CRISPLD1: variants seen among roughly 807,000 people sequenced by gnomAD.
CRISPLD1 encodes the protein cysteine-rich secretory protein LCCL domain-containing 1.
A neutral mutation model predicts 77.5 loss-of-function variants in CRISPLD1; 60 were observed. The ratio of observed to expected loss-of-function variants is 0.77; its 90% confidence interval spans 0.63 to 0.96. The LOEUF (loss-of-function observed/expected upper bound fraction) is 0.96. Among genes scored for constraint, CRISPLD1 ranks in the 40% least tolerant of loss-of-function variants. The pLI, the probability that CRISPLD1 is intolerant of heterozygous loss-of-function variation, is 0.00. For missense variants in CRISPLD1, 623 were observed against 615.8 expected, an observed-to-expected ratio of 1.01 and a Z score of -0.12; for synonymous variants, 195 against 200.1, an observed-to-expected ratio of 0.97 and a Z score of 0.22.
intron 2 of CRISPLD1, among the ~76,000 whole-genome samples, chr8:75,006,697 ATTTAT>A (rs1227278176): frequency 1.3e-5 from 2 of 152,004 alleles, no homozygotes; most frequent in Admixed American, 6.6e-5. Context: ...TTATTTACTA[ATTTAT>A]TTTATTTATT....
chr8:75,011,190 A>G (rs1812923727), intron 2 of CRISPLD1, among the ~76,000 whole-genome samples: 1 of 151,082 alleles, frequency 6.6e-6, no homozygotes, highest in South Asian at 2.1e-4. Flanking sequence ...TTAGTTACAT[A>G]TGTATACATG....
intron 2 of CRISPLD1, among the ~76,000 whole-genome samples, chr8:75,011,108 C>CTT (rs10651923): frequency 0.32 from 47,316 of 149,588 alleles, 9,967 homozygotes; most frequent in African/African-American, 0.61. Flanking sequence ...GTTTAAATTT[C>CTT]TTTTTTTTTG....
intron 2 of CRISPLD1, among the ~76,000 whole-genome samples, chr8:74,987,208 G>T (rs1812510388): frequency 6.6e-6 from 1 of 152,114 alleles, no homozygotes; most frequent in Admixed American, 6.5e-5. Context: ...CCGTTATAAA[G>T]TATGGCATTA....
At chr8:75,031,844 T>A (rs764912916) in intron 14 of CRISPLD1, among the ~76,000 whole-genome samples, 7 of 151,904 alleles carry the variant, frequency 4.6e-5, no homozygotes, top group Non-Finnish European at 8.8e-5. Flanking sequence ...GTATTCCCCA[T>A]TAAAATTGAA....
intron 2 of CRISPLD1, among the ~76,000 whole-genome samples, chr8:75,010,121 C>T (rs1812902927): frequency 6.6e-6 from 1 of 151,932 alleles, no homozygotes; most frequent in Admixed American, 6.6e-5. Context: ...GTCGCATATA[C>T]ACTATTTTTG....
At chr8:75,004,368 G>A (rs1812793955) in intron 2 of CRISPLD1, among the ~76,000 whole-genome samples, 1 of 151,928 alleles carries the variant, frequency 6.6e-6, no homozygotes, top group Admixed American at 6.5e-5. Context: ...AATACCAGAT[G>A]ATTTAGTCAC....
chr8:75,030,782 CTG>C (rs749034822), intron 14 of CRISPLD1, among the ~76,000 whole-genome samples: 23 of 133,078 alleles, frequency 1.7e-4, no homozygotes, highest in African/African-American at 6.3e-4. Context: ...ATGTGTGTGA[CTG>C]TATATATGTG....
intron 4 of CRISPLD1, among the ~76,000 whole-genome samples, chr8:75,013,334 A>G (rs1253664361): frequency 6.6e-6 from 1 of 152,100 alleles, no homozygotes; most frequent in African/African-American, 2.4e-5. Context: ...CAAGGAATAA[A>G]AATATAGTTT....
At chr8:75,000,543 C>A in intron 2 of CRISPLD1, 2 of 406,008 alleles carry the variant, frequency 4.9e-6, no homozygotes, top group Non-Finnish European at 6.7e-6. Context: ...TGTGAGAATG[C>A]CTATTGCCCT....
intron 13 of CRISPLD1, 130 bp from the exon 14 acceptor site, chr8:75,029,257 C>A: frequency 1.1e-6 from 1 of 911,216 alleles, no homozygotes; most frequent in South Asian, 1.8e-5. Flanking sequence ...AAACCTCATC[C>A]TGTAGCTGCT....
At chr8:74,992,916 T>G (rs1353639630) in intron 2 of CRISPLD1, among the ~76,000 whole-genome samples, 1 of 151,004 alleles carries the variant, frequency 6.6e-6, no homozygotes, top group Non-Finnish European at 1.5e-5. Context: ...TTTTTTTTTT[T>G]TTTTTTTTTT....
rs923207705 is a variant in CRISPLD1, at chr8:74,990,242, C to G, written c.258+3997C>G. ...TTACAGACTTCATCACTACACAATA[C>G]ATCAATGTAACAAAACCGCACTTAT... On this transcript the variant is annotated intron_variant, in intron 2 of 14. Coordinates refer to ENST00000262207, the MANE Select transcript of CRISPLD1 (RefSeq NM_031461.6). Among the ~76,000 whole-genome samples the G allele has an allele frequency of 6.6e-5, 10 of 150,742 alleles. No homozygotes were observed. The Middle Eastern group carries it at 0.014, about 206-fold the overall frequency.
chr8:75,000,057 TGA>T lies in CRISPLD1; in HGVS notation c.259-12374_259-12373del. ...AGGCAGCAACTAGATACAAGGATAA[TGA>T]GCTATTAGGCAAGACCAGGAGTGAA... is the stretch of plus-strand genomic sequence containing the variant. On this transcript the variant is annotated intron_variant, in intron 2 of 14. Coordinates refer to ENST00000262207, the MANE Select transcript of CRISPLD1 (RefSeq NM_031461.6). The T allele has an allele frequency of 4.0e-6, 3 of 745,878 alleles. No homozygotes were observed. The African/African-American group carries it at 5.8e-5, about 14-fold the overall frequency. 46.2% of individuals were successfully genotyped at this position (745,878 alleles called of 1,614,324 possible). A position where few individuals can be genotyped will look rare whatever the true frequency, so the allele number is the denominator to read the frequency against.
chr8:75,012,523 G>A lies in CRISPLD1; in HGVS notation c.349G>A (p.Gly117Arg), dbSNP rs761621200. ...ACCTGCAAGCTTGCTTCCATCAATTGGACAGAATTTGGGAGCACACTGGGG... is the reference window on the plus strand; with the variant it reads ...ACCTGCAAGCTTGCTTCCATCAATTAGACAGAATTTGGGAGCACACTGGGG... ...HGPASLLPSI[G>R]QNLGAHWGRY... is the part of the protein sequence containing the mutation. Residue 117 changes from glycine (G) to arginine (R), a missense_variant, in exon 3 of 15, where the codon GGA becomes AGA. Transcript: ENST00000262207. 9.9e-6 allele frequency: 16 copies of A among 1,612,024 alleles called. No individual in the cohort carries two copies. The highest frequency in any genetic ancestry group is 1.4e-5 in the Non-Finnish European group (16 of 1,178,440).
chr8:75,018,678 C>T (rs1813080093), intron 10 of CRISPLD1, among the ~76,000 whole-genome samples: 1 of 151,946 alleles, frequency 6.6e-6, no homozygotes, highest in Non-Finnish European at 1.5e-5. Flanking sequence ...TTTTTAAAGA[C>T]AGTCTCACAA....
chr8:74,990,171 T>C (rs1343649743), intron 2 of CRISPLD1, among the ~76,000 whole-genome samples: 1 of 152,184 alleles, frequency 6.6e-6, no homozygotes, highest in East Asian at 1.9e-4. Context: ...CATGTAATTA[T>C]GTAATGTGTA....
Position 75,033,565 on chromosome 8 carries a change from CA to C in CRISPLD1, c.*1326del, listed in dbSNP as rs1384135181. 3 of 151,708 alleles carry C rather than the reference CA, an allele frequency of 2.0e-5. No homozygotes were observed. The highest frequency in any genetic ancestry group is 7.3e-5 in the African/African-American group (3 of 41,344). The allele number at this position is 151,708 out of a possible 1,614,324, so 9.4% of individuals were successfully genotyped here. On this transcript the variant is annotated 3_prime_UTR_variant, in exon 15 of 15. Coordinates refer to ENST00000262207, the MANE Select transcript of CRISPLD1 (RefSeq NM_031461.6). ...TAGGAAAAAAAGAATCTGAAAGATA[CA>C]AAGTGATTATAAAAGAATTGACAGG... is the stretch of plus-strand genomic sequence containing the variant.
chr8:74,995,140 G>A (rs1033938757), intron 2 of CRISPLD1, among the ~76,000 whole-genome samples: 4 of 152,070 alleles, frequency 2.6e-5, no homozygotes, highest in African/African-American at 9.7e-5. Context: ...CAAGACATGA[G>A]TTATTGACAC....
chr8:75,014,179 C>A, intron 5 of CRISPLD1, 77 bp downstream of exon 5: 2 of 925,954 alleles, frequency 2.2e-6, no homozygotes, highest in Admixed American at 1.9e-5. Context: ...CCTGATTGTT[C>A]CCCATTTTCA....
Sources: gnomAD v4.1 joint callset for allele counts (sites outside exome capture counted in the v4.1 genomes callset) on GRCh38, gnomAD v4.1.1 for gene constraint, MANE v1.5 for transcripts, NCBI Gene and HGNC (gene_info 2026-07-23, HGNC 2026-07-21) for gene names.